SDK1: variants seen among roughly 807,000 people sequenced by gnomAD.
The protein encoded by SDK1 is sidekick cell adhesion molecule 1, also known as protein sidekick-1.
SDK1 carries 157 observed loss-of-function variants against 245.5 expected under a neutral mutation model. The observed-to-expected ratio is 0.64, with a 90% CI of 0.56 to 0.73. The LOEUF (loss-of-function observed/expected upper bound fraction) is 0.73. Ranked by LOEUF, SDK1 falls within the 30% of genes least tolerant of loss-of-function variation. SDK1 has a pLI of 0.00. For synonymous variants in SDK1, 1,647 were observed against 1,278.5 expected, an observed-to-expected ratio of 1.29 and a Z score of -6.15; for missense variants, 3,583 against 3,002.3, an observed-to-expected ratio of 1.19 and a Z score of -4.52.
At chr7:3,853,359 G>A (rs949727789) in intron 5 of SDK1, among the ~76,000 whole-genome samples, 1 of 152,164 alleles carries the variant, frequency 6.6e-6, no homozygotes, top group South Asian at 2.1e-4. Context: ...AAACATAACT[G>A]TCCTCAAGGA....
chr7:3,643,835 C>T (rs532105609), intron 4 of SDK1: 1 of 151,106 alleles, frequency 6.6e-6, no homozygotes, highest in East Asian at 1.9e-4. Context: ...TAGTTCTGGA[C>T]CAGGATCTGG....
In SDK1 at chr7:3,858,324, G is replaced by A. The variant is rs185920760; in HGVS notation, c.847+36741G>A. Among the ~76,000 whole-genome samples the A allele has an allele frequency of 1.1e-3, 160 of 152,138 alleles. 1 individual carries two copies. In the East Asian group the frequency reaches 0.023, roughly 22 times the overall value. ...CCCAGCTACTCAGGAGGCTAAGAGC[G>A]GGAGGATTGCTGAGCCCAGGAGTTC... On this transcript the variant is annotated intron_variant, in intron 5 of 44. Transcript: ENST00000404826.
chr7:4,201,044 A>G (rs1282589803), intron 35 of SDK1, among the ~76,000 whole-genome samples: 2 of 152,230 alleles, frequency 1.3e-5, no homozygotes, highest in Non-Finnish European at 2.9e-5. Context: ...GCACTCAGAC[A>G]TCTGGGGTGC....
At chr7:4,217,078 C>T (rs1196102343) in intron 38 of SDK1, among the ~76,000 whole-genome samples, 3 of 17,640 alleles carry the variant, frequency 1.7e-4, no homozygotes, top group South Asian at 3.4e-3. Flanking sequence ...CCAGGCCACC[C>T]GGAGCACCAC....
chr7:4,249,185 AG>A (rs1787130497), intron 44 of SDK1, among the ~76,000 whole-genome samples: 1 of 152,190 alleles, frequency 6.6e-6, no homozygotes, highest in South Asian at 2.1e-4. Context: ...TTCTGCACAG[AG>A]GGTGTTATCA....
At chr7:3,381,143 T>C (rs1390945105) in intron 1 of SDK1, among the ~76,000 whole-genome samples, 1 of 151,978 alleles carries the variant, frequency 6.6e-6, no homozygotes. Flanking sequence ...AGAGAATCCA[T>C]GAAGGGACTG....
intron 5 of SDK1, among the ~76,000 whole-genome samples, chr7:3,911,675 G>A (rs974265134): frequency 2.6e-5 from 4 of 152,180 alleles, no homozygotes; most frequent in Non-Finnish European, 5.9e-5. Flanking sequence ...TCTTACAGCC[G>A]GTGGTAGCCC....
intron 1 of SDK1, among the ~76,000 whole-genome samples, chr7:3,516,105 C>T (rs938409741): frequency 2.8e-5 from 4 of 143,374 alleles, no homozygotes; most frequent in African/African-American, 1.1e-4. Flanking sequence ...TTCTTTAATT[C>T]AGAAGATATT....
chr7:4,196,059 T>C (rs2527831), intron 35 of SDK1, among the ~76,000 whole-genome samples: 46,996 of 151,906 alleles, frequency 0.31, 7,489 homozygotes, highest in Middle Eastern at 0.54. Flanking sequence ...ATGTCTGGAC[T>C]TTTACTGGAA....
chr7:3,504,998 A>C lies in SDK1; in HGVS notation c.299-114082A>C, dbSNP rs369646041. ...AGGCAGTCAGTAAACAAAATATATA[A>C]AATGCCCAGTGGTGATACAACTCCT... On this transcript the variant is annotated intron_variant, in intron 1 of 44. Transcript: ENST00000404826. 2.1e-3 allele frequency among the ~76,000 whole-genome samples: 313 copies of C among 152,310 alleles called. 2 individuals carry two copies. Among genetic ancestry groups the C allele is most frequent in the African/African-American group, 7.2e-3 (301 of 41,574 alleles).
intron 1 of SDK1, among the ~76,000 whole-genome samples, chr7:3,366,533 G>A (rs1781096425): frequency 6.6e-6 from 1 of 152,044 alleles, no homozygotes; most frequent in Non-Finnish European, 1.5e-5. Flanking sequence ...AACAGTGTTT[G>A]TGACGTTCAG....
chr7:3,864,450 T>C (rs1043080816), intron 5 of SDK1, among the ~76,000 whole-genome samples: 5 of 152,170 alleles, frequency 3.3e-5, no homozygotes, highest in Non-Finnish European at 7.3e-5. Flanking sequence ...CTCCATCTGT[T>C]GAAGAATAAG....
chr7:3,754,998 A>C (rs1304436683), intron 4 of SDK1, among the ~76,000 whole-genome samples: 2 of 152,176 alleles, frequency 1.3e-5, no homozygotes, highest in African/African-American at 4.8e-5. Context: ...TTTGTTTTAT[A>C]AAGTGGGCTT....
At chr7:3,633,457 T>C (rs986931856) in intron 2 of SDK1, among the ~76,000 whole-genome samples, 1 of 152,158 alleles carries the variant, frequency 6.6e-6, no homozygotes, top group African/African-American at 2.4e-5. Flanking sequence ...TCTAAAATAG[T>C]ATTTTGTTAG....
chr7:3,665,490 C>T (rs1337951957), intron 4 of SDK1, among the ~76,000 whole-genome samples: 1 of 152,146 alleles, frequency 6.6e-6, no homozygotes, highest in Non-Finnish European at 1.5e-5. Flanking sequence ...CTCTTGTATA[C>T]AACACACCAT....
intron 1 of SDK1, among the ~76,000 whole-genome samples, chr7:3,422,197 C>G (rs1779552999): frequency 1.3e-5 from 2 of 152,000 alleles, no homozygotes; most frequent in African/African-American, 4.8e-5. Flanking sequence ...GAATCAAATG[C>G]AATAATTCTA....
intron 4 of SDK1, among the ~76,000 whole-genome samples, chr7:3,713,231 T>C (rs930592418): frequency 6.6e-6 from 1 of 152,218 alleles, no homozygotes; most frequent in Non-Finnish European, 1.5e-5. Flanking sequence ...TCTTCCTTTG[T>C]TAGGATAAGA....
intron 1 of SDK1, among the ~76,000 whole-genome samples, chr7:3,595,134 CT>C (rs951412560): frequency 1.1e-4 from 16 of 151,488 alleles, no homozygotes; most frequent in South Asian, 2.1e-4. Flanking sequence ...CTCCCGATTA[CT>C]TTTTTTTTGA....
chr7:4,240,566 AG>A (rs909674194), intron 42 of SDK1, among the ~76,000 whole-genome samples: 1 of 152,108 alleles, frequency 6.6e-6, no homozygotes, highest in East Asian at 1.9e-4. Context: ...AGCACGTCAA[AG>A]GGGGGCCAGG....
Sources: gnomAD v4.1 joint callset for allele counts (sites outside exome capture counted in the v4.1 genomes callset) on GRCh38, gnomAD v4.1.1 for gene constraint, MANE v1.5 for transcripts, NCBI Gene and HGNC (gene_info 2026-07-23, HGNC 2026-07-21) for gene names.